ULK4: variants seen among roughly 807,000 people sequenced by gnomAD.
ULK4 encodes the protein inactive serine/threonine-protein kinase ULK4.
In ULK4, 133 loss-of-function variants were observed where a neutral mutation model predicts 160.6. The ratio of observed to expected loss-of-function variants is 0.83; its 90% CI spans 0.72 to 0.96. The LOEUF is 0.96. Among genes scored for constraint, ULK4 ranks in the 40% least tolerant of loss-of-function variants. The pLI, the probability that ULK4 is intolerant of heterozygous loss-of-function variation, is 0.00. For missense variants in ULK4, 1,580 were observed against 1,499.5 expected (o/e 1.05, Z -0.89); for synonymous variants, 534 against 539.8 (o/e 0.99, Z 0.15).
chr3:41,306,496 GC>G (rs1406459085), intron 35 of ULK4, among the ~76,000 whole-genome samples: 1 of 147,652 alleles, frequency 6.8e-6, no homozygotes, highest in Non-Finnish European at 1.5e-5. Flanking sequence ...CCCCCGCCCG[GC>G]CAGCCGCCCC....
At chr3:41,864,247 C>T (rs1359035720) in intron 17 of ULK4, among the ~76,000 whole-genome samples, 1 of 152,170 alleles carries the variant, frequency 6.6e-6, no homozygotes, top group Non-Finnish European at 1.5e-5. Context: ...TTCAGTGCCT[C>T]ACAATTGCTA....
At chr3:41,559,937 T>G (rs531122744) in intron 32 of ULK4, among the ~76,000 whole-genome samples, 5 of 152,346 alleles carry the variant, frequency 3.3e-5, no homozygotes, top group Non-Finnish European at 5.9e-5. Flanking sequence ...CATGAAGCCC[T>G]TGCCCATGCC....
At chr3:41,433,743 G>A (rs112730506) in intron 34 of ULK4, among the ~76,000 whole-genome samples, 12 of 150,556 alleles carry the variant, frequency 8.0e-5, no homozygotes, top group East Asian at 2.0e-4. Context: ...TTTTTGAGAC[G>A]GAGTCTCGCT....
intron 27 of ULK4, among the ~76,000 whole-genome samples, chr3:41,689,666 T>A (rs1435094132): frequency 1.3e-5 from 2 of 152,248 alleles, no homozygotes; most frequent in Non-Finnish European, 2.9e-5. Flanking sequence ...AAGACATTTA[T>A]GCAGCTAAAA....
chr3:41,658,282 T>C (rs2035015357), intron 30 of ULK4, among the ~76,000 whole-genome samples: 2 of 152,206 alleles, frequency 1.3e-5, no homozygotes, highest in South Asian at 4.1e-4. Context: ...ATTTAACAGA[T>C]GGGGAGCGTC....
At chr3:41,895,733 A>G (rs1005266200) in intron 15 of ULK4, among the ~76,000 whole-genome samples, 169 bp from the exon 16 acceptor site, 2 of 152,226 alleles carry the variant, frequency 1.3e-5, no homozygotes, top group South Asian at 2.1e-4. Context: ...TATACGAATA[A>G]GATTAAAATA....
intron 10 of ULK4, 68 bp downstream of exon 10, chr3:41,911,473 A>G: frequency 2.5e-6 from 4 of 1,587,424 alleles, no homozygotes; most frequent in African/African-American, 1.3e-5. Flanking sequence ...AAAGGGACAT[A>G]ACACTGAAAT....
At chr3:41,849,311 A>G (rs17064124) in intron 17 of ULK4, among the ~76,000 whole-genome samples, 48,240 of 152,064 alleles carry the variant, frequency 0.32, 11,316 homozygotes, top group African/African-American at 0.67. Flanking sequence ...TAGGGTAGAG[A>G]AGCATTTGTA....
At chr3:41,815,125 TC>T (rs1472855538) in intron 19 of ULK4, among the ~76,000 whole-genome samples, 2 of 152,212 alleles carry the variant, frequency 1.3e-5, no homozygotes, top group African/African-American at 2.4e-5. Flanking sequence ...ATCAGACTGT[TC>T]TTGAACTCCT....
intron 22 of ULK4, among the ~76,000 whole-genome samples, chr3:41,720,087 C>G (rs140951509): frequency 6.6e-6 from 1 of 152,232 alleles, no homozygotes; most frequent in Non-Finnish European, 1.5e-5. Context: ...ATGGTACTGT[C>G]TCATAGCATG....
At chr3:41,906,026 G>C (rs1479917792) in intron 12 of ULK4, among the ~76,000 whole-genome samples, 7 of 151,922 alleles carry the variant, frequency 4.6e-5, no homozygotes, top group African/African-American at 7.3e-5. Context: ...GACCATCCTG[G>C]CTAACACGGT....
At chr3:41,256,816 A>T (rs1460969446) in intron 35 of ULK4, among the ~76,000 whole-genome samples, 1 of 152,246 alleles carries the variant, frequency 6.6e-6, no homozygotes, top group Non-Finnish European at 1.5e-5. Flanking sequence ...TGCAACTTAC[A>T]TATCTGATAA....
chr3:41,409,166 G>A (rs2082359366), intron 34 of ULK4, among the ~76,000 whole-genome samples: 1 of 152,156 alleles, frequency 6.6e-6, no homozygotes, highest in African/African-American at 2.4e-5. Context: ...TGACGTGAGA[G>A]GATGGATTAA....
chr3:41,744,753 G>C (rs2038359813), intron 22 of ULK4, among the ~76,000 whole-genome samples: 1 of 151,784 alleles, frequency 6.6e-6, no homozygotes, highest in Non-Finnish European at 1.5e-5. Flanking sequence ...ACAAGCAGCA[G>C]AATGTACATG....
chr3:41,315,426 C>T (rs535235064), intron 35 of ULK4, among the ~76,000 whole-genome samples: 2 of 152,118 alleles, frequency 1.3e-5, no homozygotes, highest in South Asian at 2.1e-4. Context: ...GGAATGGTGG[C>T]GTGAGAAGCT....
intron 22 of ULK4, among the ~76,000 whole-genome samples, chr3:41,740,289 T>C (rs2038199046): frequency 6.6e-6 from 1 of 151,836 alleles, no homozygotes; most frequent in East Asian, 1.9e-4. Context: ...TTTTTTTATT[T>C]CACTGATTAC....
At chr3:41,580,380 T>C (rs188275535) in intron 31 of ULK4, among the ~76,000 whole-genome samples, 5 of 151,880 alleles carry the variant, frequency 3.3e-5, no homozygotes, top group African/African-American at 7.3e-5. Context: ...TTATTTATTT[T>C]TTTTTTTTTA....
intron 17 of ULK4, among the ~76,000 whole-genome samples, chr3:41,870,692 C>A (rs1249448010): frequency 6.6e-6 from 1 of 152,116 alleles, no homozygotes; most frequent in Admixed American, 6.5e-5. Flanking sequence ...ATCACTTTAC[C>A]ACGTGTAGAT....
chr3:41,371,989 G>A (rs141817986), intron 35 of ULK4, among the ~76,000 whole-genome samples: 4 of 151,342 alleles, frequency 2.6e-5, no homozygotes, highest in South Asian at 2.1e-4. Context: ...CAAGAACTTC[G>A]TGAAGCATAC....
Sources: allele counts gnomAD v4.1 joint callset (sites outside exome capture counted in the v4.1 genomes callset), GRCh38; gene constraint gnomAD v4.1.1; transcripts MANE v1.5; gene names NCBI Gene and HGNC (gene_info 2026-07-23, HGNC 2026-07-21).